PPP4C: variants seen among roughly 807,000 people sequenced by gnomAD.
PPP4C encodes protein phosphatase 4 catalytic subunit.
A neutral mutation model predicts 40.5 loss-of-function variants in PPP4C; 10 were observed. The ratio of observed to expected loss-of-function variants is 0.25; its 90% CI spans 0.15 to 0.42. The LOEUF (loss-of-function observed/expected upper bound fraction) is 0.42, where lower values mean the gene tolerates loss of function less well. Ranked by LOEUF, PPP4C falls within the 10% of genes least tolerant of loss-of-function variation. The probability of loss-of-function intolerance (pLI) is 1.00; values close to 1 mark genes in which losing one functional copy is unlikely to be tolerated. For missense variants in PPP4C, 191 were observed against 416.4 expected (o/e 0.46, Z 4.71); for synonymous variants, 187 against 163.6 (o/e 1.14, Z -1.09).
chr16:30,083,823 G>T lies in PPP4C; in HGVS notation c.604+42G>T, dbSNP rs2072557429. On this transcript the variant is annotated intron_variant, in intron 7 of 8. Coordinates refer to ENST00000279387, the MANE Select transcript of PPP4C (RefSeq NM_002720.3). The surrounding 1 kb of genome is among the most constrained non-coding windows in gnomAD (Gnocchi z 6.3). ...AGGGGCAGGCAGGGACAGCCAGGAG[G>T]GGTTGGGAAAGAGAGGGAGCAGGGC... 2 of 1,608,696 alleles carry T rather than the reference G, an allele frequency of 1.2e-6. No individual in the cohort carries two copies. The highest frequency in any genetic ancestry group is 1.7e-6 in the Non-Finnish European group (2 of 1,178,130).
Position 30,083,880 on chromosome 16 carries a change from C to G in PPP4C, c.604+99C>G. The G allele has an allele frequency of 6.5e-7, 1 of 1,536,146 alleles. No homozygotes were observed. Among genetic ancestry groups the G allele is most frequent in the Non-Finnish European group, 8.8e-7 (1 of 1,130,118 alleles). ...TCACTGTCACTCGTCCTCCACCTGC[C>G]AAATGGCTGGAACCCTGGAGGAGGA... is the stretch of plus-strand genomic sequence containing the variant. On this transcript the variant is annotated intron_variant, in intron 7 of 8. Coordinates refer to ENST00000279387, the MANE Select transcript of PPP4C (RefSeq NM_002720.3). The surrounding 1 kb of genome is among the most constrained non-coding windows in gnomAD (Gnocchi z 6.3).
chr16:30,081,818 G>C (rs532516362), intron 3 of PPP4C: 1 of 160,082 alleles, frequency 6.2e-6, no homozygotes, highest in South Asian at 1.7e-4. Context: ...ACTTTGGGAG[G>C]CCGAGGCAGG....
intron 2 of PPP4C, among the ~76,000 whole-genome samples, chr16:30,077,359 G>A (rs1338945893): frequency 6.6e-6 from 1 of 152,178 alleles, no homozygotes; most frequent in East Asian, 1.9e-4. Context: ...ATAATCACCA[G>A]GTATTCTATT....
Position 30,085,029 on chromosome 16 carries a change from C to T in PPP4C, c.891C>T (p.Pro297=). Residue 297 remains proline (P), a synonymous_variant, in exon 9 of 9, where the codon CCC becomes CCT. Coordinates refer to ENST00000279387, the MANE Select transcript of PPP4C (RefSeq NM_002720.3). ...EAAPQETRGI[P]SKKPVADYFL Reference sequence around the variant, plus strand: ...CTCCCCAAGAGACACGGGGCATCCCCTCCAAGAAGCCCGTGGCCGACTACT... The same window carrying T: ...CTCCCCAAGAGACACGGGGCATCCCTTCCAAGAAGCCCGTGGCCGACTACT... 2 of 1,614,136 alleles carry T rather than the reference C, an allele frequency of 1.2e-6. No homozygotes were observed. Among genetic ancestry groups the T allele is most frequent in the Non-Finnish European group, 1.7e-6 (2 of 1,180,038 alleles).
At position 30,085,134 on chromosome 16, in the gene PPP4C, C is replaced by T. The variant is rs565898458; in HGVS notation, c.*72C>T. 4.1e-5 allele frequency: 63 copies of T among 1,541,974 alleles called. No homozygotes were observed. Among genetic ancestry groups the T allele is most frequent in the South Asian group, 1.0e-4 (9 of 85,744 alleles). On this transcript the variant is annotated 3_prime_UTR_variant, in exon 9 of 9. Coordinates refer to ENST00000279387, the MANE Select transcript of PPP4C (RefSeq NM_002720.3). ...CTGTGACTCTGCCATCTTCCTCAGACGGAGGCTGGGCGTGGGGGGGGCTGT... is the reference window on the plus strand; with the variant it reads ...CTGTGACTCTGCCATCTTCCTCAGATGGAGGCTGGGCGTGGGGGGGGCTGT...
rs955232363 is a variant in PPP4C at position 30,083,847 on chromosome 16, G to A, written c.604+66G>A. 3 of 1,593,598 alleles carry A rather than the reference G, an allele frequency of 1.9e-6. No homozygotes were observed. Among genetic ancestry groups the A allele is most frequent in the Non-Finnish European group, 2.6e-6 (3 of 1,170,200 alleles). ...GGGGTTGGGAAAGAGAGGGAGCAGG[G>A]CTGGTCTTCACTGTCACTCGTCCTC... On this transcript the variant is annotated intron_variant, in intron 7 of 8. Transcript: ENST00000279387. The surrounding 1 kb of genome is among the most constrained non-coding windows in gnomAD (Gnocchi z 6.3).
intron 3 of PPP4C, among the ~76,000 whole-genome samples, chr16:30,082,219 G>T (rs1290331636): frequency 6.6e-6 from 1 of 152,192 alleles, no homozygotes; most frequent in African/African-American, 2.4e-5. Context: ...GGTACTTTGT[G>T]GGGAGTAGAG....
chr16:30,076,261 C>T (rs902877821), intron 1 of PPP4C, 54 bp from the exon 2 acceptor site: 28 of 1,051,508 alleles, frequency 2.7e-5, no homozygotes, highest in Non-Finnish European at 3.5e-5. Flanking sequence ...TCGAGTTGTC[C>T]GCTCCGAGCC....
At position 30,076,026 on chromosome 16, in the gene PPP4C, C is replaced by T. The variant is rs1435995547; in HGVS notation, c.-132C>T. On this transcript the variant is annotated 5_prime_UTR_variant, in exon 1 of 9. Transcript: ENST00000279387. The stretch of plus-strand genomic sequence containing the variant: ...GTAGGAGCGGCGGCGGCGGCGGCGG[C>T]GGCGGTCGAAAGCGGAGTGAAAGAG... The T allele has an allele frequency of 2.9e-5, 11 of 382,698 alleles. No homozygotes were observed. Among genetic ancestry groups the T allele is most frequent in the East Asian group, 6.3e-5 (1 of 15,836 alleles). The allele number at this position is 382,698 out of a possible 1,614,324, so 23.7% of individuals were successfully genotyped here.
In PPP4C at chr16:30,078,783, C is replaced by G. The variant is rs1235688473; in HGVS notation, c.98+2308C>G. Among the ~76,000 whole-genome samples the G allele has an allele frequency of 3.9e-5, 6 of 152,240 alleles. No homozygotes were observed. The East Asian group carries it at 1.2e-3, about 29-fold the overall frequency. ...TCTTCAGTATGAATCTTTGCCTTGT[C>G]ACCTAGAAGCAATATGACCCTCGTC... On this transcript the variant is annotated intron_variant, in intron 2 of 8. Coordinates refer to ENST00000279387, the MANE Select transcript of PPP4C (RefSeq NM_002720.3).
chr16:30,085,230 C>T lies in PPP4C; in HGVS notation c.*168C>T. ...TCTCTGGAGAGGCCTGGAGACCTAG[C>T]TCCATGTTCCTCCTCCTCTCTCCCC... On this transcript the variant is annotated 3_prime_UTR_variant, in exon 9 of 9. Transcript: ENST00000279387. 7.9e-6 allele frequency: 5 copies of T among 634,590 alleles called. No individual in the cohort carries two copies. The highest frequency in any genetic ancestry group is 1.3e-5 in the Non-Finnish European group (5 of 383,388). The allele number at this position is 634,590 out of a possible 1,614,324, so 39.3% of individuals were successfully genotyped here.
Position 30,083,165 on chromosome 16 carries a change from AAAG to A in PPP4C, c.304-224_304-222del. On this transcript the variant is annotated intron_variant, in intron 5 of 8. Coordinates refer to ENST00000279387, the MANE Select transcript of PPP4C (RefSeq NM_002720.3). The surrounding 1 kb of genome is among the most constrained non-coding windows in gnomAD (Gnocchi z 6.3). ...GGACCCGGTCTGTGTCTGGTAGGTGAAAGAAGAGCCATTAGGTTCATAGTTGAG... is the reference window on the plus strand; with the variant it reads ...GGACCCGGTCTGTGTCTGGTAGGTGAAAGAGCCATTAGGTTCATAGTTGAG... 1 of 610,168 alleles carries A rather than the reference AAAG, an allele frequency of 1.6e-6. No individual in the cohort carries two copies. The highest frequency in any genetic ancestry group is 2.9e-6 in the Non-Finnish European group (1 of 347,918). 37.8% of individuals were successfully genotyped at this position (610,168 alleles called of 1,614,324 possible).
Position 30,082,853 on chromosome 16 carries a change from A to G in PPP4C, c.303+6A>G, listed in dbSNP as rs1313351367. ...TCCTGCTGCTGGCACTTAAGGTGGC[A>G]GTCCCCGGCTTCTGCACCCCCAACC... On this transcript the variant is annotated splice_donor_region_variant and intron_variant, in intron 5 of 8. Coordinates refer to ENST00000279387, the MANE Select transcript of PPP4C (RefSeq NM_002720.3). 6.2e-7 allele frequency: 1 copy of G among 1,613,244 alleles called. No individual in the cohort carries two copies. The highest frequency in any genetic ancestry group is 8.5e-7 in the Non-Finnish European group (1 of 1,179,420).
chr16:30,083,331 G>A lies in PPP4C; in HGVS notation c.304-63G>A. Reference sequence around the variant, plus strand: ...ATGGCAGGCTGGCGGGCACGAGGAGGTCAGAGAGGGATGTGTGGAGAGACC... The same window carrying A: ...ATGGCAGGCTGGCGGGCACGAGGAGATCAGAGAGGGATGTGTGGAGAGACC... On this transcript the variant is annotated intron_variant, in intron 5 of 8. Transcript: ENST00000279387. The surrounding 1 kb of genome is among the most constrained non-coding windows in gnomAD (Gnocchi z 6.3). The A allele has an allele frequency of 6.4e-7, 1 of 1,552,234 alleles. No homozygotes were observed. Among genetic ancestry groups the A allele is most frequent in the Non-Finnish European group, 8.7e-7 (1 of 1,145,080 alleles).
chr16:30,079,025 G>C (rs541370921), intron 2 of PPP4C, among the ~76,000 whole-genome samples: 2 of 152,170 alleles, frequency 1.3e-5, no homozygotes, highest in African/African-American at 4.8e-5. Flanking sequence ...CAGAGAGCAC[G>C]GGCCCTGCAT....
rs550672399 is a variant in PPP4C at position 30,082,489 on chromosome 16, C to T, written c.156C>T (p.Cys52=). The part of the protein sequence containing the change: ...VQRVDSPVTV[C]GDIHGQFYDL... Reference sequence around the variant, plus strand: ...CCACTCTTCCTGTTCCCCAGGTGTGCGGCGACATCCATGGACAATTCTATG... The same window carrying T: ...CCACTCTTCCTGTTCCCCAGGTGTGTGGCGACATCCATGGACAATTCTATG... Residue 52 remains cysteine, a synonymous_variant, in exon 4 of 9, where the codon TGC becomes TGT. Coordinates refer to ENST00000279387, the MANE Select transcript of PPP4C (RefSeq NM_002720.3). 5.6e-6 allele frequency: 9 copies of T among 1,613,668 alleles called. No individual in the cohort carries two copies. Among genetic ancestry groups the T allele is most frequent in the South Asian group, 3.3e-5 (3 of 91,076 alleles).
intron 4 of PPP4C, 55 bp from the exon 5 acceptor site, chr16:30,082,691 A>T: frequency 6.4e-7 from 1 of 1,561,118 alleles, no homozygotes; most frequent in East Asian, 2.2e-5. Context: ...GGACAGAAAC[A>T]GGTAGGGGGT....
At chr16:30,081,060 C>A in intron 2 of PPP4C, 199 bp from the exon 3 acceptor site, 1 of 656,408 alleles carries the variant, frequency 1.5e-6, no homozygotes, top group Non-Finnish European at 2.6e-6. Flanking sequence ...TGGACTTTGT[C>A]CTTTTGGCAG....
intron 2 of PPP4C, among the ~76,000 whole-genome samples, chr16:30,078,630 G>C (rs2072448161): frequency 6.6e-6 from 1 of 152,230 alleles, no homozygotes; most frequent in South Asian, 2.1e-4. Flanking sequence ...AAGAGCACCA[G>C]CTTGCCTAGA....
Sources: allele counts gnomAD v4.1 joint callset (sites outside exome capture counted in the v4.1 genomes callset), GRCh38; gene constraint gnomAD v4.1.1; non-coding constraint Gnocchi (gnomAD v3.1); transcripts MANE v1.5; gene names NCBI Gene and HGNC (gene_info 2026-07-23, HGNC 2026-07-21).